RAB27B: variants seen among roughly 807,000 people sequenced by gnomAD.
RAB27B encodes the protein ras-related protein Rab-27B.
A neutral mutation model predicts 24.6 loss-of-function variants in RAB27B; 15 were observed. That is an observed-to-expected ratio of 0.61 (90% CI 0.41 to 0.94). The LOEUF (loss-of-function observed/expected upper bound fraction) is 0.94. RAB27B is among the 40% of genes least tolerant of loss of function. RAB27B has a pLI of 0.00. For synonymous variants in RAB27B, 105 were observed against 92.5 expected, an observed-to-expected ratio of 1.14 and a Z score of -0.78; for missense variants, 261 against 266.8, an observed-to-expected ratio of 0.98 and a Z score of 0.15.
chr18:54,885,638 C>T (rs1305360675), intron 4 of RAB27B, among the ~76,000 whole-genome samples: 2 of 152,126 alleles, frequency 1.3e-5, no homozygotes, highest in East Asian at 1.9e-4. Context: ...CTCTGTATCC[C>T]CTCAACACAC....
intron 3 of RAB27B, among the ~76,000 whole-genome samples, chr18:54,882,654 T>G (rs1460742305): frequency 6.6e-6 from 1 of 152,128 alleles, no homozygotes; most frequent in Non-Finnish European, 1.5e-5. Flanking sequence ...TAAGACTAAG[T>G]AACCCACAGA....
At chr18:54,847,689 G>A (rs1408616655) in intron 1 of RAB27B, among the ~76,000 whole-genome samples, 9 of 151,954 alleles carry the variant, frequency 5.9e-5, no homozygotes, top group African/African-American at 1.5e-4. Context: ...GTAAACAAAC[G>A]TTCAGAAAAA....
At chr18:54,763,135 T>C in intron 2 of RAB27B, among the ~76,000 whole-genome samples, 1 of 152,152 alleles carries the variant, frequency 6.6e-6, no homozygotes, top group South Asian at 2.1e-4. Context: ...AGGAAACTTA[T>C]AACTTCAAAG....
chr18:54,734,868 T>A (rs1234069784), intron 2 of RAB27B, among the ~76,000 whole-genome samples: 1 of 152,128 alleles, frequency 6.6e-6, no homozygotes, highest in East Asian at 1.9e-4. Context: ...ATTCTGTGGG[T>A]GAATTTTAGG....
intron 2 of RAB27B, among the ~76,000 whole-genome samples, chr18:54,787,911 TA>T (rs1909138184): frequency 2.6e-5 from 4 of 152,178 alleles, no homozygotes; most frequent in Admixed American, 2.6e-4. Flanking sequence ...AAAGTTCCAG[TA>T]AAAGATTCCA....
intron 1 of RAB27B, among the ~76,000 whole-genome samples, chr18:54,831,538 T>C (rs764438345): frequency 4.6e-5 from 7 of 152,226 alleles, no homozygotes; most frequent in Admixed American, 3.9e-4. Context: ...CTATGAACTT[T>C]AATATTCGTC....
At chr18:54,733,658 C>A (rs142484364) in intron 2 of RAB27B, among the ~76,000 whole-genome samples, 3 of 137,114 alleles carry the variant, frequency 2.2e-5, no homozygotes, top group Admixed American at 7.2e-5. Flanking sequence ...GAGCCCCCCC[C>A]CCCCAAATTT....
At chr18:54,768,690 G>T (rs1465060163) in intron 2 of RAB27B, among the ~76,000 whole-genome samples, 2 of 152,072 alleles carry the variant, frequency 1.3e-5, no homozygotes, top group African/African-American at 4.8e-5. Flanking sequence ...TGCATTGCTG[G>T]GGAGGCCTCA....
chr18:54,835,590 G>A (rs965996744), intron 1 of RAB27B, among the ~76,000 whole-genome samples: 3 of 151,896 alleles, frequency 2.0e-5, no homozygotes, highest in African/African-American at 2.4e-5. Flanking sequence ...TTGCTGTAAC[G>A]AAAATATTCT....
At chr18:54,768,293 G>A (rs762154463) in intron 2 of RAB27B, among the ~76,000 whole-genome samples, 8 of 152,144 alleles carry the variant, frequency 5.3e-5, no homozygotes, top group Non-Finnish European at 7.3e-5. Context: ...AAAATGTAGC[G>A]ATATGTGGCT....
chr18:54,870,847 G>T (rs147850877), intron 1 of RAB27B, among the ~76,000 whole-genome samples: 1 of 152,060 alleles, frequency 6.6e-6, no homozygotes, highest in African/African-American at 2.4e-5. Context: ...TTACATTTGC[G>T]TCAAAATAAT....
chr18:54,836,154 C>T (rs1403775031), intron 1 of RAB27B, among the ~76,000 whole-genome samples: 1 of 151,932 alleles, frequency 6.6e-6, no homozygotes, highest in Non-Finnish European at 1.5e-5. Flanking sequence ...GTTTCCTGTG[C>T]AAGCTCTGAG....
intron 2 of RAB27B, among the ~76,000 whole-genome samples, chr18:54,724,225 C>A (rs1598858523): frequency 6.6e-6 from 1 of 151,476 alleles, no homozygotes; most frequent in African/African-American, 2.4e-5. Flanking sequence ...AAAATTCAAC[C>A]AGGTCAAGAA....
At chr18:54,816,187 C>A (rs769911379) in intron 2 of RAB27B, among the ~76,000 whole-genome samples, 16 of 152,148 alleles carry the variant, frequency 1.1e-4, no homozygotes, top group Admixed American at 8.5e-4. Flanking sequence ...CAAAAAATAT[C>A]AATTGTGCCA....
intron 2 of RAB27B, among the ~76,000 whole-genome samples, chr18:54,758,596 G>A (rs1049198105): frequency 1.3e-5 from 2 of 148,290 alleles, no homozygotes; most frequent in Non-Finnish European, 3.0e-5. Flanking sequence ...GGTAGACAAT[G>A]ATGTCTCTCT....
intron 2 of RAB27B, among the ~76,000 whole-genome samples, chr18:54,818,836 T>A (rs532619803): frequency 9.8e-5 from 15 of 152,322 alleles, no homozygotes; most frequent in African/African-American, 2.4e-5. Flanking sequence ...TCGTGTTTTT[T>A]AAAATAAATT....
chr18:54,849,350 C>G (rs1833287), intron 1 of RAB27B, among the ~76,000 whole-genome samples: 1 of 152,184 alleles, frequency 6.6e-6, no homozygotes, highest in African/African-American at 2.4e-5. Context: ...TTTAACAGCT[C>G]TTGAAAGATT....
chr18:54,817,995 C>G (rs187309684), intron 2 of RAB27B, among the ~76,000 whole-genome samples: 1 of 152,224 alleles, frequency 6.6e-6, no homozygotes. Context: ...ATTGAGCCCC[C>G]ATTGAAGTCG....
intron 1 of RAB27B, among the ~76,000 whole-genome samples, chr18:54,845,028 T>G (rs1455418194): frequency 1.3e-5 from 2 of 152,224 alleles, no homozygotes; most frequent in Non-Finnish European, 2.9e-5. Flanking sequence ...AAGCTTCTTA[T>G]GTATTAGGCT....
Sources: gnomAD v4.1 joint callset for allele counts (sites outside exome capture counted in the v4.1 genomes callset) on GRCh38, gnomAD v4.1.1 for gene constraint, MANE v1.5 for transcripts, NCBI Gene and HGNC (gene_info 2026-07-23, HGNC 2026-07-21) for gene names.